Variants in TMTC3 observed in about 807,000 individuals in gnomAD.
TMTC3 encodes protein O-mannosyl-transferase TMTC3.
A neutral mutation model predicts 92.2 loss-of-function variants in TMTC3; 52 were observed. That is an observed-to-expected ratio of 0.56 (90% CI 0.45 to 0.71). The LOEUF is 0.71. TMTC3 is among the 30% of genes least tolerant of loss of function. The pLI is 0.00. For missense variants in TMTC3, 896 were observed against 1,057.1 expected (o/e 0.85, Z 2.11); for synonymous variants, 339 against 363.3 (o/e 0.93, Z 0.76).
intron 4 of TMTC3, among the ~76,000 whole-genome samples, chr12:88,156,792 A>T (rs1338513509): frequency 7.1e-6 from 1 of 141,752 alleles, no homozygotes; most frequent in African/African-American, 2.5e-5. Context: ...CGAAATGCTA[A>T]GGTTTTGTGT....
rs1053266110 is a variant in TMTC3, at chr12:88,160,113, G to C, written c.509-1G>C. 1.9e-6 allele frequency: 3 copies of C among 1,558,386 alleles called. No individual in the cohort carries two copies. Among genetic ancestry groups the C allele is most frequent in the Non-Finnish European group, 2.6e-6 (3 of 1,153,732 alleles). On this transcript the variant is annotated splice_acceptor_variant, in intron 4 of 13. Coordinates refer to ENST00000266712, the MANE Select transcript of TMTC3 (RefSeq NM_181783.4). LOFTEE classifies it high-confidence loss of function. ...TTATATTTTCTGTTCTCAAATTGCA[G>C]TATGGACTCCAATTGCCTTGACAGT...
intron 12 of TMTC3, among the ~76,000 whole-genome samples, chr12:88,191,046 T>C (rs1210614296): frequency 6.6e-6 from 1 of 152,030 alleles, no homozygotes; most frequent in Non-Finnish European, 1.5e-5. Flanking sequence ...ATCTTGGTTC[T>C]CAGCAAAAAA....
chr12:88,156,927 G>A (rs2041019372), intron 4 of TMTC3, among the ~76,000 whole-genome samples: 1 of 150,464 alleles, frequency 6.6e-6, no homozygotes, highest in Non-Finnish European at 1.5e-5. Flanking sequence ...TTCACCATTT[G>A]AGCGAAACAA....
chr12:88,150,141 G>A (rs2040923883), intron 2 of TMTC3, among the ~76,000 whole-genome samples: 1 of 152,176 alleles, frequency 6.6e-6, no homozygotes, highest in Non-Finnish European at 1.5e-5. Flanking sequence ...TGTACAAGAA[G>A]CATAGCAGCA....
At position 88,198,265 on chromosome 12, in the gene TMTC3, G is replaced by T; in HGVS notation, c.*2616G>T. 2.5e-6 allele frequency: 1 copy of T among 397,666 alleles called. No individual in the cohort carries two copies. The highest frequency in any genetic ancestry group is 4.4e-6 in the Non-Finnish European group (1 of 225,406). 24.6% of individuals were successfully genotyped at this position (397,666 alleles called of 1,614,324 possible). A position where few individuals can be genotyped will look rare whatever the true frequency, so the allele number is the denominator to read the frequency against. ...GATGGAGGAGGTGGGCACATTTAAGGTCAGTTCACTAACCTATGGTTCAGA... is the reference window on the plus strand; with the variant it reads ...GATGGAGGAGGTGGGCACATTTAAGTTCAGTTCACTAACCTATGGTTCAGA... On this transcript the variant is annotated 3_prime_UTR_variant, in exon 14 of 14. Transcript: ENST00000266712.
intron 7 of TMTC3, among the ~76,000 whole-genome samples, chr12:88,167,171 G>A (rs2041154304): frequency 6.6e-6 from 1 of 152,012 alleles, no homozygotes; most frequent in South Asian, 2.1e-4. Flanking sequence ...AAGGCAGGTG[G>A]ATCATTTGAG....
In TMTC3 at chr12:88,198,716, C is replaced by CT. The variant is rs923771257; in HGVS notation, c.*3070dup. Reference sequence around the variant, plus strand: ...ACTCTCAACTTCATGTTACAGAATGCTTTAAAGATGCTTTAATGAAAAGTA... The same window carrying CT: ...ACTCTCAACTTCATGTTACAGAATGCTTTTAAAGATGCTTTAATGAAAAGTA... On this transcript the variant is annotated 3_prime_UTR_variant, in exon 14 of 14. Coordinates refer to ENST00000266712, the MANE Select transcript of TMTC3 (RefSeq NM_181783.4). 1 of 280,416 alleles carries CT rather than the reference C, an allele frequency of 3.6e-6. No homozygotes were observed. The highest frequency in any genetic ancestry group is 1.7e-4 in the South Asian group (1 of 5,994). 17.4% of individuals were successfully genotyped at this position (280,416 alleles called of 1,614,324 possible).
Position 88,178,995 on chromosome 12 carries a change from C to T in TMTC3, c.1432+2676C>T, listed in dbSNP as rs569670531. 1.7e-3 allele frequency among the ~76,000 whole-genome samples: 259 copies of T among 152,272 alleles called. 1 individual carries two copies. Among genetic ancestry groups the T allele is most frequent in the Middle Eastern group, 3.4e-3 (1 of 294 alleles). On this transcript the variant is annotated intron_variant, in intron 10 of 13. Coordinates refer to ENST00000266712, the MANE Select transcript of TMTC3 (RefSeq NM_181783.4). ...CAGTTTTTAAATAATTTTTCCCCCT[C>T]ATTGTCAATTGTCACTAATTGCTGT... is the stretch of plus-strand genomic sequence containing the variant.
At chr12:88,164,385 C>T (rs1015785364) in intron 6 of TMTC3, among the ~76,000 whole-genome samples, 1 of 151,956 alleles carries the variant, frequency 6.6e-6, no homozygotes, top group Non-Finnish European at 1.5e-5. Flanking sequence ...CCTGGGTTCC[C>T]TCTTGCTGTT....
At position 88,199,803 on chromosome 12, in the gene TMTC3, A is replaced by G. The variant is rs1040932432; in HGVS notation, c.*4154A>G. ...TCTTCGTCAACATTTCTGTGACTCA[A>G]TGGATAGCATATTTCCATCAAGTAG... On this transcript the variant is annotated 3_prime_UTR_variant, in exon 14 of 14. Coordinates refer to ENST00000266712, the MANE Select transcript of TMTC3 (RefSeq NM_181783.4). 3 of 152,214 alleles carry G rather than the reference A, an allele frequency of 2.0e-5. No homozygotes were observed. The highest frequency in any genetic ancestry group is 2.9e-5 in the Non-Finnish European group (2 of 68,036). The allele number at this position is 152,214 out of a possible 1,614,324, so 9.4% of individuals were successfully genotyped here. A position where few individuals can be genotyped will look rare whatever the true frequency, so the allele number is the denominator to read the frequency against.
intron 13 of TMTC3, 109 bp from the exon 14 acceptor site, chr12:88,194,729 A>T: frequency 4.1e-6 from 3 of 732,982 alleles, no homozygotes; most frequent in Non-Finnish European, 5.8e-6. Flanking sequence ...TATGGAAATT[A>T]GTTGTTTTGA....
chr12:88,160,691 T>A lies in TMTC3; in HGVS notation c.637T>A (p.Leu213Ile), dbSNP rs2041066186. 6.2e-7 allele frequency: 1 copy of A among 1,612,418 alleles called. No homozygotes were observed. Among genetic ancestry groups the A allele is most frequent in the South Asian group, 1.1e-5 (1 of 90,550 alleles). Residue 213 changes from leucine (L) to isoleucine (I), a missense_variant, in exon 6 of 14, where the codon TTA becomes ATA. Physicochemically the swap from Leu to Ile is conservative, Grantham distance 5. Coordinates refer to ENST00000266712, the MANE Select transcript of TMTC3 (RefSeq NM_181783.4). ...TTTTCTTTTTCAGTATACTTTGCCA[T>A]TACTATGTACTACTGCTGGACAGTT... is the stretch of plus-strand genomic sequence containing the variant. ...VFIAQGYTLP[L>I]LCTTAGQFLR...
intron 10 of TMTC3, among the ~76,000 whole-genome samples, chr12:88,185,340 CT>C (rs902846875): frequency 1.8e-3 from 269 of 145,646 alleles, no homozygotes; most frequent in African/African-American, 4.0e-3. Flanking sequence ...TGGACTCTCT[CT>C]TTTTTTTTTT....
At position 88,197,529 on chromosome 12, in the gene TMTC3, G is replaced by A. The variant is rs190572208; in HGVS notation, c.*1880G>A. The A allele has an allele frequency of 1.3e-5, 2 of 152,338 alleles. No individual in the cohort carries two copies. The allele number at this position is 152,338 out of a possible 1,614,324, so 9.4% of individuals were successfully genotyped here. ...GATCTCTCTTTTGCCATAGTATCAA[G>A]TGGAGGGTAGTTCAGAAAAGTTAAT... On this transcript the variant is annotated 3_prime_UTR_variant, in exon 14 of 14. Coordinates refer to ENST00000266712, the MANE Select transcript of TMTC3 (RefSeq NM_181783.4).
chr12:88,177,068 G>A (rs1010298079), intron 10 of TMTC3, among the ~76,000 whole-genome samples: 3 of 152,110 alleles, frequency 2.0e-5, no homozygotes, highest in Non-Finnish European at 4.4e-5. Flanking sequence ...GCTCAAGTCT[G>A]TAATCCCAGC....
intron 7 of TMTC3, among the ~76,000 whole-genome samples, chr12:88,171,756 A>G (rs921164613): frequency 6.6e-6 from 1 of 152,000 alleles, no homozygotes; most frequent in Non-Finnish European, 1.5e-5. Flanking sequence ...TGGTAGTTCT[A>G]TTTTTAATTT....
chr12:88,156,914 T>G (rs919698831), intron 4 of TMTC3, among the ~76,000 whole-genome samples: 1 of 151,646 alleles, frequency 6.6e-6, no homozygotes, highest in African/African-American at 2.4e-5. Flanking sequence ...CAGGTCAAGC[T>G]AGTTCACCAT....
At chr12:88,146,587 A>G (rs984208982) in intron 1 of TMTC3, among the ~76,000 whole-genome samples, 1 of 111,190 alleles carries the variant, frequency 9.0e-6, no homozygotes, top group Non-Finnish European at 2.0e-5. Flanking sequence ...ACATACCTAT[A>G]TATTTGTGTG....
In TMTC3 at chr12:88,194,870, C is replaced by T. The variant is rs2041490074; in HGVS notation, c.1966C>T (p.Arg656Ter). 5.0e-6 allele frequency: 8 copies of T among 1,599,148 alleles called. No individual in the cohort carries two copies. The highest frequency in any genetic ancestry group is 1.3e-5 in the African/African-American group (1 of 74,194). ...EVKLRPEARK[R>*]LLSYINEEPL... ...TAAACTCAGACCTGAAGCTAGAAAA[C>T]GACTTCTAAGTTATATAAATGAAGA... Residue 656 changes from arginine to a stop codon, truncating the protein, a stop_gained, in exon 14 of 14, where the codon CGA (arginine) becomes TGA (stop). Transcript: ENST00000266712. LOFTEE classifies it high-confidence loss of function.
Sources: gnomAD v4.1 joint callset for allele counts (sites outside exome capture counted in the v4.1 genomes callset) on GRCh38, gnomAD v4.1.1 for gene constraint, MANE v1.5 for transcripts, NCBI Gene and HGNC (gene_info 2026-07-23, HGNC 2026-07-21) for gene names.